Variants in DPRX observed in about 807,000 individuals in gnomAD.
The protein encoded by DPRX is divergent-paired related homeobox, also known as divergent paired-related homeobox.
A neutral mutation model predicts 8.4 loss-of-function variants in DPRX; 11 were observed. The ratio of observed to expected loss-of-function variants is 1.31; its 90% CI spans 0.82 to 2.17. The LOEUF is 2.17. DPRX is among the 30% of genes most tolerant of loss of function. DPRX has a pLI of 0.00. For missense variants in DPRX, 211 were observed against 236.7 expected (o/e 0.89, Z 0.71); for synonymous variants, 72 against 87.0 (o/e 0.83, Z 0.96).
At chr19:53,602,171 AG>A in the DPRX span, 1 of 455,976 alleles carries the variant, frequency 2.2e-6, no homozygotes, top group Non-Finnish European at 4.4e-6. Context: ...CAACTGGAAA[AG>A]GGTCAAGGTT....
At chr19:53,613,957 GT>G in the DPRX span, among the ~76,000 whole-genome samples, 44 of 142,338 alleles carry the variant, frequency 3.1e-4, no homozygotes, top group East Asian at 4.1e-4. Flanking sequence ...TATTTCCTTT[GT>G]TTTTTTTTTT....
chr19:53,632,158 G>A (rs767709327), intron 1 of DPRX, 24 bp downstream of exon 1: 41 of 1,613,886 alleles, frequency 2.5e-5, no homozygotes, highest in Admixed American at 5.0e-5. Flanking sequence ...AATGAGAACC[G>A]AAGCAAAGAC....
At chr19:53,628,448 T>C (rs1164072961), upstream of DPRX, among the ~76,000 whole-genome samples, 1 of 152,174 alleles carries the variant, frequency 6.6e-6, no homozygotes, top group Non-Finnish European at 1.5e-5. Flanking sequence ...AAGTGAACTT[T>C]GACACTTCTT....
At chr19:53,636,634 G>T (rs867949523) in exon 3 of DPRX, 1 of 1,613,584 alleles carries the variant, frequency 6.2e-7, no homozygotes, top group Non-Finnish European at 8.5e-7. Context: ...TCAAGAAAGC[G>T]AAATGCAAGC....
At chr19:53,618,685 C>T in the DPRX span, among the ~76,000 whole-genome samples, 1 of 68,146 alleles carries the variant, frequency 1.5e-5, no homozygotes, top group African/African-American at 7.1e-5. Context: ...ATATTGTCTC[C>T]AGATTTTTTT....
At chr19:53,601,502 G>A in the DPRX span, 5 of 346,644 alleles carry the variant, frequency 1.4e-5, no homozygotes, top group Non-Finnish European at 2.2e-5. Flanking sequence ...TTTTTTTTGA[G>A]ACAGAGTCTT....
the DPRX span, among the ~76,000 whole-genome samples, chr19:53,618,732 G>A: frequency 6.7e-6 from 1 of 150,026 alleles, no homozygotes; most frequent in South Asian, 2.1e-4. Flanking sequence ...ACCCAGGCTG[G>A]AGTGCAGTGG....
At chr19:53,602,311 T>TGC in the DPRX span, 155 of 313,488 alleles carry the variant, frequency 4.9e-4, no homozygotes, top group East Asian at 2.6e-3. Context: ...TGTGTGTGTG[T>TGC]GCCAGCCTCC....
chr19:53,632,474 T>G (rs2091096872), intron 1 of DPRX, among the ~76,000 whole-genome samples: 1 of 151,900 alleles, frequency 6.6e-6, no homozygotes, highest in Non-Finnish European at 1.5e-5. Flanking sequence ...CTAATTTTTT[T>G]TTTTTTTGTA....
chr19:53,616,254 A>G, the DPRX span, among the ~76,000 whole-genome samples: 1 of 152,002 alleles, frequency 6.6e-6, no homozygotes, highest in Admixed American at 6.6e-5. Context: ...CTCTGTCTCA[A>G]AAAAAATAAA....
chr19:53,602,747 C>G, the DPRX span, among the ~76,000 whole-genome samples: 1 of 151,896 alleles, frequency 6.6e-6, no homozygotes, highest in South Asian at 2.1e-4. Context: ...GTTGGCCAGG[C>G]TGATCTCGAA....
the DPRX span, chr19:53,601,125 T>C: frequency 2.6e-6 from 1 of 391,020 alleles, no homozygotes; most frequent in Non-Finnish European, 5.2e-6. Context: ...CAAGCGATGC[T>C]CCTGCCTTCA....
chr19:53,613,122 G>A, the DPRX span, among the ~76,000 whole-genome samples: 1 of 152,122 alleles, frequency 6.6e-6, no homozygotes, highest in Non-Finnish European at 1.5e-5. Context: ...GCTAGCCTTG[G>A]GGGAGAAGGA....
At chr19:53,622,171 A>T in the DPRX span, among the ~76,000 whole-genome samples, 1 of 152,188 alleles carries the variant, frequency 6.6e-6, no homozygotes, top group Middle Eastern at 3.2e-3. Context: ...TAAACATGCT[A>T]ATCAGATCTC....
chr19:53,611,977 G>A, the DPRX span, among the ~76,000 whole-genome samples: 18 of 152,116 alleles, frequency 1.2e-4, no homozygotes, highest in East Asian at 3.9e-4. Flanking sequence ...CCAGCTACTC[G>A]GGAGGCTGAG....
At chr19:53,635,436 G>C (rs1353429735) in intron 2 of DPRX, among the ~76,000 whole-genome samples, 1 of 152,126 alleles carries the variant, frequency 6.6e-6, no homozygotes, top group East Asian at 1.9e-4. Context: ...TGAATTCCTG[G>C]GCTGAAGCCA....
chr19:53,626,469 G>A, the DPRX span, among the ~76,000 whole-genome samples: 2 of 152,138 alleles, frequency 1.3e-5, no homozygotes, highest in Admixed American at 6.6e-5. Flanking sequence ...GAGGCTGATC[G>A]CTTGAGCCCA....
the DPRX span, among the ~76,000 whole-genome samples, chr19:53,617,417 G>C: frequency 6.0e-3 from 909 of 152,042 alleles, 7 homozygotes; most frequent in African/African-American, 0.02. Context: ...AATTAGCCAG[G>C]CGTGGTGACA....
the DPRX span, among the ~76,000 whole-genome samples, chr19:53,615,358 G>A: frequency 8.5e-5 from 13 of 152,106 alleles, no homozygotes; most frequent in Admixed American, 3.3e-4. Context: ...TTGGCTCAAT[G>A]TAACCTCCAC....
Sources: gnomAD v4.1 joint callset for allele counts (sites outside exome capture counted in the v4.1 genomes callset) on GRCh38, gnomAD v4.1.1 for gene constraint, MANE v1.5 for transcripts, NCBI Gene and HGNC (gene_info 2026-07-23, HGNC 2026-07-21) for gene names.